Variants in PTPRG observed in about 807,000 individuals in gnomAD.
The protein encoded by PTPRG is receptor-type tyrosine-protein phosphatase gamma.
Under a neutral mutation model 165.3 loss-of-function variants are expected in PTPRG, and 102 were observed. That is an observed-to-expected ratio of 0.62 (90% CI 0.53 to 0.73). The LOEUF (loss-of-function observed/expected upper bound fraction) is 0.73. Ranked by LOEUF, PTPRG falls within the 30% of genes least tolerant of loss-of-function variation. PTPRG has a pLI of 0.00. For missense variants in PTPRG, 1,866 were observed against 1,861.4 expected, an observed-to-expected ratio of 1.00 and a Z score of -0.05; for synonymous variants, 675 against 669.5, an observed-to-expected ratio of 1.01 and a Z score of -0.13.
chr3:61,626,589 T>C (rs1231575312), intron 1 of PTPRG, among the ~76,000 whole-genome samples: 1 of 152,184 alleles, frequency 6.6e-6, no homozygotes, highest in Non-Finnish European at 1.5e-5. Flanking sequence ...ACTGTCTGTA[T>C]CCACCAAATC....
chr3:61,853,930 C>A (rs2037033376), intron 2 of PTPRG, among the ~76,000 whole-genome samples: 1 of 152,098 alleles, frequency 6.6e-6, no homozygotes, highest in Non-Finnish European at 1.5e-5. Flanking sequence ...GAATATGTGG[C>A]CATGGCCATC....
At position 62,007,002 on chromosome 3, in the gene PTPRG, T is replaced by C. The variant is rs114328376; in HGVS notation, c.519+3505T>C. 8.4e-3 allele frequency among the ~76,000 whole-genome samples: 1,278 copies of C among 152,310 alleles called. 26 individuals carry two copies. The highest frequency in any genetic ancestry group is 0.03 in the African/African-American group (1,228 of 41,554). ...TGGGAAGTCATTCCATCCTCTTTGG[T>C]TTTTAGAGAGTAAATGTACCTTGCC... On this transcript the variant is annotated intron_variant, in intron 4 of 29. Transcript: ENST00000474889.
At chr3:61,801,834 A>C (rs566623385) in intron 2 of PTPRG, among the ~76,000 whole-genome samples, 44 of 152,290 alleles carry the variant, frequency 2.9e-4, no homozygotes, top group African/African-American at 1.0e-3. Context: ...CCTGGCCAAC[A>C]TGGTGAAACT....
intron 2 of PTPRG, among the ~76,000 whole-genome samples, chr3:61,982,847 G>A (rs2040672768): frequency 6.6e-6 from 1 of 152,042 alleles, no homozygotes; most frequent in Non-Finnish European, 1.5e-5. Flanking sequence ...GACAGATAAT[G>A]GTATTAAAAA....
At chr3:62,282,993 A>G in intron 28 of PTPRG, 124 bp downstream of exon 28, 1 of 831,546 alleles carries the variant, frequency 1.2e-6, no homozygotes, top group Non-Finnish European at 1.9e-6. Context: ...TGACAACTCC[A>G]TGTTATTTCT....
rs375661259 is a variant in PTPRG, at chr3:62,026,607, C to A, written c.519+23110C>A. ...TCACCTTAAAAGCATGTATTAGAGG[C>A]CAGGCACGGTGGCTCACGCCTGTAA... On this transcript the variant is annotated intron_variant, in intron 4 of 29. Coordinates refer to ENST00000474889, the MANE Select transcript of PTPRG (RefSeq NM_002841.4). 2.6e-5 allele frequency among the ~76,000 whole-genome samples: 4 copies of A among 152,228 alleles called. No homozygotes were observed. The South Asian group carries it at 6.2e-4, about 24-fold the overall frequency.
chr3:61,587,755 C>T (rs1249232193), intron 1 of PTPRG, among the ~76,000 whole-genome samples: 1 of 152,106 alleles, frequency 6.6e-6, no homozygotes, highest in African/African-American at 2.4e-5. Context: ...CACCTGGGCT[C>T]AAGCAATCCT....
At chr3:62,207,230 GGATGT>G (rs759600378) in intron 12 of PTPRG, among the ~76,000 whole-genome samples, 19 of 152,244 alleles carry the variant, frequency 1.2e-4, no homozygotes, top group Non-Finnish European at 2.5e-4. Flanking sequence ...ACAGCTGAGA[GGATGT>G]GATAGTATTT....
chr3:62,178,832 ATCT>A (rs1405621110), intron 8 of PTPRG, among the ~76,000 whole-genome samples: 4 of 152,196 alleles, frequency 2.6e-5, no homozygotes, highest in African/African-American at 9.6e-5. Flanking sequence ...CACTAGAAAA[ATCT>A]TCTCTGACAT....
chr3:61,801,565 A>C (rs1211082376), intron 2 of PTPRG, among the ~76,000 whole-genome samples: 1 of 152,124 alleles, frequency 6.6e-6, no homozygotes, highest in African/African-American at 2.4e-5. Flanking sequence ...CAACAACAGA[A>C]ACTCAAGTCG....
At chr3:62,129,130 C>T (rs998245437) in intron 5 of PTPRG, among the ~76,000 whole-genome samples, 1 of 152,138 alleles carries the variant, frequency 6.6e-6, no homozygotes, top group Non-Finnish European at 1.5e-5. Flanking sequence ...TGCATTTGTG[C>T]AGTTGTTTAG....
chr3:62,033,112 T>G (rs1699822483), intron 4 of PTPRG, among the ~76,000 whole-genome samples: 1 of 152,056 alleles, frequency 6.6e-6, no homozygotes, highest in Non-Finnish European at 1.5e-5. Flanking sequence ...CCAGCCCAGT[T>G]ACATCTGGAA....
rs778822401 is a variant in PTPRG at position 61,989,746 on chromosome 3, C to T, written c.312C>T (p.Leu104=). Residue 104 remains leucine (L), a synonymous_variant, in exon 3 of 30, where the codon CTC becomes CTT. Transcript: ENST00000474889. The part of the protein sequence containing the change: ...RVGEEYQELQ[L]DGFDNESSNK... ...GGGAAGAATACCAGGAACTGCAACT[C>T]GATGGCTTCGACAATGAGTCTTCTA... 14 of 1,613,978 alleles carry T rather than the reference C, an allele frequency of 8.7e-6. No individual in the cohort carries two copies. Among genetic ancestry groups the T allele is most frequent in the Middle Eastern group, 1.6e-4 (1 of 6,078 alleles).
rs1559560247 is a variant in PTPRG, at chr3:61,694,028, AG to A, written c.86-54849del. On this transcript the variant is annotated intron_variant, in intron 1 of 29. Coordinates refer to ENST00000474889, the MANE Select transcript of PTPRG (RefSeq NM_002841.4). ...ATCTCCAAAAAAAAAAAAAAAAAAG[AG>A]AGAGAGAGAGAGAGGGAAGCAAGGC... Among the ~76,000 whole-genome samples the A allele has an allele frequency of 2.0e-3, 235 of 115,114 alleles. 1 individual carries two copies. Among genetic ancestry groups the A allele is most frequent in the African/African-American group, 7.0e-3 (225 of 31,972 alleles). The allele number at this position is 115,114 out of a possible 152,430, so 75.5% of individuals were successfully genotyped here.
At chr3:61,874,809 C>T (rs1007820005) in intron 2 of PTPRG, among the ~76,000 whole-genome samples, 1 of 152,168 alleles carries the variant, frequency 6.6e-6, no homozygotes, top group African/African-American at 2.4e-5. Context: ...ACGCCCTGCC[C>T]TAATTTAATG....
intron 1 of PTPRG, among the ~76,000 whole-genome samples, chr3:61,592,866 A>C (rs7638610): frequency 0.14 from 22,008 of 152,042 alleles, 2,176 homozygotes; most frequent in African/African-American, 0.28. Flanking sequence ...TACTGGACTC[A>C]ACTTGGGGCA....
At chr3:61,890,059 TAAG>T (rs1307051074) in intron 2 of PTPRG, among the ~76,000 whole-genome samples, 1 of 152,252 alleles carries the variant, frequency 6.6e-6, no homozygotes, top group Non-Finnish European at 1.5e-5. Flanking sequence ...GAAGATATTT[TAAG>T]TTTTTCCCAC....
intron 1 of PTPRG, among the ~76,000 whole-genome samples, chr3:61,573,911 C>T (rs766060815): frequency 5.9e-5 from 9 of 152,202 alleles, no homozygotes; most frequent in Middle Eastern, 3.4e-3. Context: ...AAGCTAAATT[C>T]GTACCTTCTG....
chr3:61,654,737 T>TTGAC (rs1159718568), intron 1 of PTPRG, among the ~76,000 whole-genome samples: 1 of 151,224 alleles, frequency 6.6e-6, no homozygotes, highest in African/African-American at 2.4e-5. Flanking sequence ...GCTTAATGGG[T>TTGAC]TGACCTTCTA....
Sources: gnomAD v4.1 joint callset for allele counts (sites outside exome capture counted in the v4.1 genomes callset) on GRCh38, gnomAD v4.1.1 for gene constraint, MANE v1.5 for transcripts, NCBI Gene and HGNC (gene_info 2026-07-23, HGNC 2026-07-21) for gene names.